Variants in MRPS31 observed in about 807,000 individuals in gnomAD.
MRPS31 encodes the protein mitochondrial ribosomal protein S31.
MRPS31 carries 32 observed loss-of-function variants against 43.1 expected under a neutral mutation model. The ratio of observed to expected loss-of-function variants is 0.74; its 90% CI spans 0.56 to 1.00. The LOEUF is 1.00. MRPS31 is among the 50% of genes least tolerant of loss of function. The pLI is 0.00. For missense variants in MRPS31, 437 were observed against 466.7 expected, an observed-to-expected ratio of 0.94 and a Z score of 0.59; for synonymous variants, 165 against 161.6, an observed-to-expected ratio of 1.02 and a Z score of -0.16.
At position 40,749,330 on chromosome 13, in the gene MRPS31, T is replaced by C. The variant is rs769567047; in HGVS notation, c.815-49A>G. The C allele has an allele frequency of 4.1e-6, 6 of 1,450,156 alleles. No homozygotes were observed. The African/African-American group carries it at 8.8e-5, about 21-fold the overall frequency. The allele number at this position is 1,450,156 out of a possible 1,614,324, so 89.8% of individuals were successfully genotyped here. On this transcript the variant is annotated intron_variant, in intron 5 of 6. Coordinates refer to ENST00000323563, the MANE Select transcript of MRPS31 (RefSeq NM_005830.4). The stretch of plus-strand genomic sequence containing the variant: ...TAACAACAAGTCAATGTAAGTATCT[T>C]TTTTTAAAAGTTACAACCAATCCTG...
intron 6 of MRPS31, among the ~76,000 whole-genome samples, chr13:40,733,176 G>T (rs2137991422): frequency 6.6e-6 from 1 of 151,952 alleles, no homozygotes; most frequent in Non-Finnish European, 1.5e-5. Context: ...GCTAATTTTT[G>T]TATTTTCAGT....
Position 40,767,047 on chromosome 13 carries a change from T to C in MRPS31, c.153-14A>G. The C allele has an allele frequency of 6.3e-7, 1 of 1,579,302 alleles. No individual in the cohort carries two copies. Among genetic ancestry groups the C allele is most frequent in the Non-Finnish European group, 8.6e-7 (1 of 1,167,672 alleles). On this transcript the variant is annotated splice_polypyrimidine_tract_variant and intron_variant, in intron 1 of 6. Transcript: ENST00000323563. Reference sequence around the variant, plus strand: ...TTATTTTTTGTCCTGGAAAGATGCATTAAAGAAAAAAATGAAAAATACAAT... The same window carrying C: ...TTATTTTTTGTCCTGGAAAGATGCACTAAAGAAAAAAATGAAAAATACAAT...
chr13:40,730,798 G>A (rs1879667578), intron 6 of MRPS31, among the ~76,000 whole-genome samples: 1 of 152,052 alleles, frequency 6.6e-6, no homozygotes, highest in South Asian at 2.1e-4. Flanking sequence ...GACCTCAGGT[G>A]ATCCACCTGC....
chr13:40,768,846 G>A (rs1411733160), intron 1 of MRPS31, among the ~76,000 whole-genome samples: 2 of 152,186 alleles, frequency 1.3e-5, no homozygotes, highest in Admixed American at 6.5e-5. Context: ...CAGTAGCTAT[G>A]TATGTTACTT....
At chr13:40,730,705 C>T (rs1234598253) in intron 6 of MRPS31, among the ~76,000 whole-genome samples, 2 of 151,528 alleles carry the variant, frequency 1.3e-5, no homozygotes, top group South Asian at 2.1e-4. Context: ...TGATTACAGG[C>T]GCCTGCCACC....
intron 6 of MRPS31, among the ~76,000 whole-genome samples, chr13:40,747,361 A>G (rs1433567000): frequency 6.6e-6 from 1 of 152,140 alleles, no homozygotes; most frequent in African/African-American, 2.4e-5. Context: ...TTAATATCAG[A>G]TATTATTTTA....
At chr13:40,745,427 T>A (rs899857572) in intron 6 of MRPS31, among the ~76,000 whole-genome samples, 3 of 152,170 alleles carry the variant, frequency 2.0e-5, no homozygotes, top group African/African-American at 4.8e-5. Context: ...TAATTTTGTA[T>A]TTTTAGTAGA....
At chr13:40,769,247 G>A (rs1880932535) in intron 1 of MRPS31, among the ~76,000 whole-genome samples, 2 of 150,958 alleles carry the variant, frequency 1.3e-5, no homozygotes, top group African/African-American at 4.9e-5. Flanking sequence ...GTGGTGGTGG[G>A]TGCCTGTAGT....
At chr13:40,744,651 T>A (rs142545601) in intron 6 of MRPS31, among the ~76,000 whole-genome samples, 80 of 152,206 alleles carry the variant, frequency 5.3e-4, no homozygotes, top group African/African-American at 1.6e-3. Context: ...GTTCAAGCAA[T>A]GTATGTTCAC....
intron 3 of MRPS31, among the ~76,000 whole-genome samples, chr13:40,757,614 T>C (rs1311110012): frequency 6.6e-6 from 1 of 151,630 alleles, no homozygotes; most frequent in African/African-American, 2.4e-5. Flanking sequence ...CAGGCTAATT[T>C]TTTGTGTTTT....
At chr13:40,743,316 CAA>C (rs1219480963) in intron 6 of MRPS31, among the ~76,000 whole-genome samples, 9 of 117,882 alleles carry the variant, frequency 7.6e-5, no homozygotes, top group Admixed American at 8.6e-5. Context: ...AACTCTGTCT[CAA>C]AAAAAAAAAA....
chr13:40,742,973 C>A (rs1880143699), intron 6 of MRPS31, among the ~76,000 whole-genome samples: 1 of 152,040 alleles, frequency 6.6e-6, no homozygotes, highest in Non-Finnish European at 1.5e-5. Flanking sequence ...CTAGGAAATA[C>A]CATCCTAGAC....
intron 6 of MRPS31, 112 bp from the exon 7 acceptor site, chr13:40,729,713 A>T: frequency 2.8e-6 from 2 of 711,390 alleles, no homozygotes; most frequent in Non-Finnish European, 4.5e-6. Context: ...TGAACTTTGG[A>T]GTTAGACCTA....
intron 1 of MRPS31, 34 bp from the exon 2 acceptor site, chr13:40,767,067 T>C (rs780637074): frequency 3.3e-6 from 5 of 1,532,136 alleles, no homozygotes; most frequent in Non-Finnish European, 2.7e-6. Context: ...AAATGAAAAA[T>C]ACAATGCAGT....
rs1880834385 is a variant in MRPS31 at position 40,765,993 on chromosome 13, C to T, written c.440+753G>A. 2.0e-5 allele frequency among the ~76,000 whole-genome samples: 3 copies of T among 152,172 alleles called. 1 individual carries two copies. The South Asian group carries it at 6.2e-4, about 32-fold the overall frequency. On this transcript the variant is annotated intron_variant, in intron 2 of 6. Coordinates refer to ENST00000323563, the MANE Select transcript of MRPS31 (RefSeq NM_005830.4). ...CTGATAGGTATTGATCAAGGGAAGT[C>T]ATATAAAGCAATTGTAATCAACATG... is the stretch of plus-strand genomic sequence containing the variant.
At chr13:40,733,118 C>T (rs1449817471) in intron 6 of MRPS31, among the ~76,000 whole-genome samples, 3 of 150,256 alleles carry the variant, frequency 2.0e-5, no homozygotes, top group Non-Finnish European at 4.4e-5. Flanking sequence ...ATTCTCTTGC[C>T]TCAGCCTCCT....
chr13:40,769,280 G>A (rs1465680355), intron 1 of MRPS31, among the ~76,000 whole-genome samples: 1 of 149,796 alleles, frequency 6.7e-6, no homozygotes, highest in East Asian at 1.9e-4. Context: ...GGAGGCTGAG[G>A]CAGAAGAATC....
chr13:40,766,784 G>A lies in MRPS31; in HGVS notation c.402C>T (p.Gly134=). The part of the protein sequence containing the change: ...RPLKSLEATL[G]RLRRATEYAP... ...CATATTCTGTAGCTCTTCGAAGCCT[G>A]CCAAGTGTAGCTTCCAAACTTTTAA... Residue 134 remains glycine, a synonymous_variant, in exon 2 of 7, where the codon GGC becomes GGT. Coordinates refer to ENST00000323563, the MANE Select transcript of MRPS31 (RefSeq NM_005830.4). 1 of 1,613,074 alleles carries A rather than the reference G, an allele frequency of 6.2e-7. No individual in the cohort carries two copies. Among genetic ancestry groups the A allele is most frequent in the Non-Finnish European group, 8.5e-7 (1 of 1,179,716 alleles).
At chr13:40,752,942 C>A (rs1880431592) in intron 5 of MRPS31, among the ~76,000 whole-genome samples, 1 of 152,028 alleles carries the variant, frequency 6.6e-6, no homozygotes, top group African/African-American at 2.4e-5. Context: ...GCTATGTTGC[C>A]CAGGCTGGTC....
Sources: gnomAD v4.1 joint callset for allele counts (sites outside exome capture counted in the v4.1 genomes callset) on GRCh38, gnomAD v4.1.1 for gene constraint, MANE v1.5 for transcripts, NCBI Gene and HGNC (gene_info 2026-07-23, HGNC 2026-07-21) for gene names.